The following TRDN variants were observed in gnomAD, a reference collection of about 807,000 sequenced individuals.
TRDN encodes the protein triadin in skeletal muscle.
In TRDN, 161 loss-of-function variants were observed where a neutral mutation model predicts 149.7. The observed-to-expected ratio is 1.08, with a 90% CI of 0.95 to 1.23. The LOEUF (loss-of-function observed/expected upper bound fraction) is 1.23. Among genes scored for constraint, TRDN ranks in the 50% most tolerant of loss-of-function variants. The probability of loss-of-function intolerance (pLI) is 0.00; values close to 1 mark genes in which losing one functional copy is unlikely to be tolerated. For synonymous variants in TRDN, 294 were observed against 250.5 expected, an observed-to-expected ratio of 1.17 and a Z score of -1.64; for missense variants, 896 against 823.5, an observed-to-expected ratio of 1.09 and a Z score of -1.08.
At chr6:123,624,360 G>C (rs1785544144) in intron 1 of TRDN, among the ~76,000 whole-genome samples, 1 of 152,132 alleles carries the variant, frequency 6.6e-6, no homozygotes, top group African/African-American at 2.4e-5. Flanking sequence ...GGACTGGGCA[G>C]AAACTGAGCA....
At chr6:123,455,789 GT>G (rs1776085930) in intron 10 of TRDN, among the ~76,000 whole-genome samples, 1 of 151,948 alleles carries the variant, frequency 6.6e-6, no homozygotes, top group Non-Finnish European at 1.5e-5. Flanking sequence ...ATAAATATAA[GT>G]TTCTTTTCTA....
intron 9 of TRDN, among the ~76,000 whole-genome samples, chr6:123,496,157 T>C (rs1778438280): frequency 6.8e-6 from 1 of 148,040 alleles, no homozygotes; most frequent in South Asian, 2.1e-4. Flanking sequence ...TTAGTGACTT[T>C]CCCCCTCATT....
chr6:123,353,858 A>G lies in TRDN; in HGVS notation c.1322-1272T>C, dbSNP rs573418133. ...TGTGAAGCAAGGGAGATGTTAAACTAAAAGCAAATAAATATGTATGAACCT... is the reference window on the plus strand; with the variant it reads ...TGTGAAGCAAGGGAGATGTTAAACTGAAAGCAAATAAATATGTATGAACCT... On this transcript the variant is annotated intron_variant, in intron 20 of 40. Transcript: ENST00000334268. 2.6e-5 allele frequency among the ~76,000 whole-genome samples: 4 copies of G among 151,950 alleles called. No individual in the cohort carries two copies. The South Asian group carries it at 8.3e-4, about 31-fold the overall frequency.
intron 20 of TRDN, among the ~76,000 whole-genome samples, chr6:123,364,391 C>T (rs944883343): frequency 1.3e-5 from 2 of 152,176 alleles, no homozygotes; most frequent in Non-Finnish European, 2.9e-5. Context: ...GTAATTCCAA[C>T]ACTTTGAGAG....
rs115648834 is a variant in TRDN, at chr6:123,542,119, T to C, written c.424+5221A>G. 2.9e-3 allele frequency among the ~76,000 whole-genome samples: 447 copies of C among 152,314 alleles called. 5 individuals are homozygous for C. The highest frequency in any genetic ancestry group is 0.01 in the African/African-American group (433 of 41,576). ...GCAGAGCTTTAGGGAAATTTAAACATGCGACTATAGGGGGAATTGTAATTT... is the reference window on the plus strand; with the variant it reads ...GCAGAGCTTTAGGGAAATTTAAACACGCGACTATAGGGGGAATTGTAATTT... On this transcript the variant is annotated intron_variant, in intron 4 of 40. Transcript: ENST00000334268.
intron 15 of TRDN, 110 bp from the exon 16 acceptor site, chr6:123,381,500 C>T (rs1281847617): frequency 2.0e-6 from 2 of 1,010,002 alleles, no homozygotes; most frequent in African/African-American, 3.2e-5. Flanking sequence ...CCAATTTTCT[C>T]TCCTTAAATT....
intron 10 of TRDN, among the ~76,000 whole-genome samples, chr6:123,440,257 T>C (rs1424828244): frequency 6.6e-6 from 1 of 152,150 alleles, no homozygotes; most frequent in Non-Finnish European, 1.5e-5. Context: ...TATTCACACT[T>C]TGTCTAAAAG....
chr6:123,613,258 C>T (rs1784905549), intron 1 of TRDN, among the ~76,000 whole-genome samples: 1 of 152,072 alleles, frequency 6.6e-6, no homozygotes, highest in Non-Finnish European at 1.5e-5. Flanking sequence ...GAGCAAAATC[C>T]CAACTTACAT....
At position 123,446,140 on chromosome 6, in the gene TRDN, A is replaced by T. The variant is rs912137330; in HGVS notation, c.932-7137T>A. ...TCTCAGTAAACTATCACAAGAACAA[A>T]AAACCAAACACCGCATATTCTCACT... On this transcript the variant is annotated intron_variant, in intron 10 of 40. Transcript: ENST00000334268. Among the ~76,000 whole-genome samples, 69 of 151,452 alleles carry T rather than the reference A, an allele frequency of 4.6e-4. 3 individuals are homozygous for T. The highest frequency in any genetic ancestry group is 1.5e-5 in the Non-Finnish European group (1 of 67,940).
intron 1 of TRDN, among the ~76,000 whole-genome samples, chr6:123,587,577 G>T (rs1475052515): frequency 2.0e-5 from 3 of 152,172 alleles, no homozygotes; most frequent in Non-Finnish European, 4.4e-5. Context: ...CCCAAGGGAG[G>T]TCCCCTGATC....
At chr6:123,576,845 T>G (rs1782882545) in intron 1 of TRDN, among the ~76,000 whole-genome samples, 1 of 152,020 alleles carries the variant, frequency 6.6e-6, no homozygotes, top group Non-Finnish European at 1.5e-5. Flanking sequence ...TTGAGTGAAA[T>G]TCACTTAATG....
rs77096116 is a variant in TRDN at position 123,239,306 on chromosome 6, A to G, written c.1975+13106T>C. On this transcript the variant is annotated intron_variant, in intron 38 of 40. Coordinates refer to ENST00000334268, the MANE Select transcript of TRDN (RefSeq NM_006073.4). ...TACAGGGATAAACTGATAATTTCTC[A>G]TCATAGGAGGAGATGTCAATATAGT... Among the ~76,000 whole-genome samples the G allele has an allele frequency of 1.9e-3, 292 of 152,302 alleles. 2 individuals are homozygous for G. The highest frequency in any genetic ancestry group is 6.9e-3 in the African/African-American group (286 of 41,572).
chr6:123,497,211 G>A lies in TRDN; in HGVS notation c.835C>T (p.His279Tyr). The change falls in exon 9 of 41, where the codon CAT (histidine) becomes TAT (tyrosine). Residue 279 changes from histidine to tyrosine, a missense_variant. Physicochemically the swap from His to Tyr is moderately conservative, Grantham distance 83 (BLOSUM62 2). Coordinates refer to ENST00000334268, the MANE Select transcript of TRDN (RefSeq NM_006073.4). ...FCRYMIDIFV[H>Y]GDLKPGQSPA... ...GGAATACCTGGTTTTAAATCCCCATGGACAAATATGTCAATCATATATCGA... is the reference window on the plus strand; with the variant it reads ...GGAATACCTGGTTTTAAATCCCCATAGACAAATATGTCAATCATATATCGA... 6.4e-7 allele frequency: 1 copy of A among 1,556,846 alleles called. No individual in the cohort carries two copies.
chr6:123,363,710 ACT>A (rs1407398930), intron 20 of TRDN, among the ~76,000 whole-genome samples: 1 of 152,088 alleles, frequency 6.6e-6, no homozygotes, highest in African/African-American at 2.4e-5. Context: ...TTAGTTGAGG[ACT>A]CTGGTGAGTT....
intron 10 of TRDN, among the ~76,000 whole-genome samples, chr6:123,463,357 T>C (rs9490774): frequency 1.4e-5 from 2 of 146,136 alleles, no homozygotes; most frequent in African/African-American, 2.6e-5. Context: ...AAAAAATAAA[T>C]AATAAATAAA....
At chr6:123,611,238 A>T (rs1784794778) in intron 1 of TRDN, among the ~76,000 whole-genome samples, 1 of 152,208 alleles carries the variant, frequency 6.6e-6, no homozygotes, top group East Asian at 1.9e-4. Context: ...TTAAATTCTA[A>T]ATCTGATAAA....
At chr6:123,522,359 C>T (rs926146537) in intron 5 of TRDN, among the ~76,000 whole-genome samples, 13 of 151,560 alleles carry the variant, frequency 8.6e-5, no homozygotes, top group Non-Finnish European at 1.2e-4. Flanking sequence ...AAATAGAAGC[C>T]GAAATCTTAT....
chr6:123,516,598 A>G (rs568837443), intron 5 of TRDN, among the ~76,000 whole-genome samples: 1 of 152,138 alleles, frequency 6.6e-6, no homozygotes, highest in Non-Finnish European at 1.5e-5. Context: ...TAATTTTCTG[A>G]TCTTGAAGCA....
rs545835567 is a variant in TRDN at position 123,449,447 on chromosome 6, C to T, written c.932-10444G>A. 2.6e-3 allele frequency among the ~76,000 whole-genome samples: 401 copies of T among 152,046 alleles called. 1 individual carries two copies. The highest frequency in any genetic ancestry group is 9.3e-3 in the African/African-American group (386 of 41,498). Reference sequence around the variant, plus strand: ...CTCTGGAAAATCTCAGCAATAGAATCGAACAATTAAAAGAAAGAAATTCAG... The same window carrying T: ...CTCTGGAAAATCTCAGCAATAGAATTGAACAATTAAAAGAAAGAAATTCAG... On this transcript the variant is annotated intron_variant, in intron 10 of 40. Coordinates refer to ENST00000334268, the MANE Select transcript of TRDN (RefSeq NM_006073.4).
Sources: gnomAD v4.1 joint callset for allele counts (sites outside exome capture counted in the v4.1 genomes callset) on GRCh38, gnomAD v4.1.1 for gene constraint, MANE v1.5 for transcripts, NCBI Gene and HGNC (gene_info 2026-07-23, HGNC 2026-07-21) for gene names.